Variants in RPTN observed in about 807,000 individuals in gnomAD.
RPTN encodes the protein repetin, also known as intermediate filament-associated protein.
In RPTN, 4 loss-of-function variants were observed where a neutral mutation model predicts 3.6. The ratio of observed to expected loss-of-function variants is 1.12; its 90% CI spans 0.55 to 2.55. RPTN has a LOEUF of 2.55. Ranked by LOEUF, RPTN falls within the 30% of genes most tolerant of loss-of-function variation. RPTN has a pLI of 0.02. For synonymous variants in RPTN, 293 were observed against 319.3 expected, an observed-to-expected ratio of 0.92 and a Z score of 0.88; for missense variants, 860 against 916.7, an observed-to-expected ratio of 0.94 and a Z score of 0.80.
Position 152,155,192 on chromosome 1 carries a change from A to G in RPTN, c.1907T>C (p.Phe636Ser), listed in dbSNP as rs1198806347. 6.2e-7 allele frequency: 1 copy of G among 1,614,192 alleles called. No homozygotes were observed. The highest frequency in any genetic ancestry group is 1.1e-5 in the South Asian group (1 of 91,086). ...QEGYQNQGQGFQSRDSQQNGH... is the reference protein window; with the variant it reads ...QEGYQNQGQGSQSRDSQQNGH... ...GTTCTGCTGTGAGTCCCTAGACTGG[A>G]ATCCCTGTCCCTGGTTTTGGTACCC... is the stretch of plus-strand genomic sequence containing the variant. Residue 636 changes from phenylalanine (F) to serine (S), a missense_variant, in exon 3 of 3, where the codon TTC becomes TCC. Coordinates refer to ENST00000316073, the MANE Select transcript of RPTN (RefSeq NM_001122965.1).
chr1:152,157,654 G>A, intron 2 of RPTN, 98 bp downstream of exon 2: 1 of 1,341,114 alleles, frequency 7.5e-7, no homozygotes, highest in Non-Finnish European at 1.0e-6. Context: ...TTCTTACAGG[G>A]CAGAGCAAGC....
Position 152,156,868 on chromosome 1 carries a change from C to A in RPTN, c.231G>T (p.Leu77Phe), listed in dbSNP as rs1244314666. 1.9e-6 allele frequency: 3 copies of A among 1,613,948 alleles called. No homozygotes were observed. In the East Asian group the frequency reaches 6.7e-5, roughly 36 times the overall value. The part of the protein sequence containing the change: ...GHIDFHEYLL[L>F]VFQLVQACYH... Reference sequence around the variant, plus strand: ...AGCAGGCTTGGACCAACTGGAACACCAACAAGAGGTACTCATGAAAATCAA... The same window carrying A: ...AGCAGGCTTGGACCAACTGGAACACAAACAAGAGGTACTCATGAAAATCAA... Residue 77 changes from leucine (L) to phenylalanine (F), a missense_variant, in exon 3 of 3, where the codon TTG becomes TTT. Leu to Phe is a conservative substitution (Grantham distance 22). Coordinates refer to ENST00000316073, the MANE Select transcript of RPTN (RefSeq NM_001122965.1).
In RPTN at chr1:152,157,938, C is replaced by T. The variant is rs759029271; in HGVS notation, c.-20-29G>A. The T allele has an allele frequency of 1.2e-5, 19 of 1,600,766 alleles. No homozygotes were observed. In the East Asian group the frequency reaches 1.8e-4, roughly 15 times the overall value. ...AAAGAAGAAACAAGATTTCTCCTGC[C>T]GTTAGGATAATGACCACGAGACAGC... On this transcript the variant is annotated intron_variant, in intron 1 of 2. Coordinates refer to ENST00000316073, the MANE Select transcript of RPTN (RefSeq NM_001122965.1).
chr1:152,156,921 G>A lies in RPTN; in HGVS notation c.178C>T (p.Leu60Phe). The change falls in exon 3 of 3, where the codon CTC becomes TTC. Residue 60 changes from leucine (L) to phenylalanine (F), a missense_variant. Transcript: ENST00000316073. Reference protein sequence around the residue: ...DPETVETILNLLDQDRDGHID... With the variant: ...DPETVETILNFLDQDRDGHID... ...TGTCCATCTCGGTCTTGATCTAAGAGGTTCAAGATGGTTTCCACAGTCTCT... is the reference window on the plus strand; with the variant it reads ...TGTCCATCTCGGTCTTGATCTAAGAAGTTCAAGATGGTTTCCACAGTCTCT... 1 of 1,614,022 alleles carries A rather than the reference G, an allele frequency of 6.2e-7. No homozygotes were observed.
chr1:152,156,608 T>C lies in RPTN; in HGVS notation c.491A>G (p.Gln164Arg). Residue 164 changes from glutamine to arginine, a missense_variant, in exon 3 of 3, where the codon CAA (glutamine) becomes CGA (arginine). Gln to Arg is a conservative substitution (Grantham distance 43). Transcript: ENST00000316073. ...CTGACTGTGGTGGGAATCTCTGTCT[T>C]GTTTCTCAGACTGACCATGGTGGGA... Reference protein sequence around the residue: ...RDSHHGQSEKQDRDSHHSQPE... With the variant: ...RDSHHGQSEKRDRDSHHSQPE... 1.9e-6 allele frequency: 2 copies of C among 1,040,902 alleles called. No homozygotes were observed. Among genetic ancestry groups the C allele is most frequent in the Non-Finnish European group, 2.5e-6 (2 of 810,268 alleles). 64.5% of individuals were successfully genotyped at this position (1,040,902 alleles called of 1,614,324 possible). A position where few individuals can be genotyped will look rare whatever the true frequency, so the allele number is the denominator to read the frequency against.
Position 152,156,930 on chromosome 1 carries a change from T to C in RPTN, c.169A>G (p.Ile57Val). 3 of 1,614,032 alleles carry C rather than the reference T, an allele frequency of 1.9e-6. No homozygotes were observed. The highest frequency in any genetic ancestry group is 2.5e-6 in the Non-Finnish European group (3 of 1,179,962). ...RPNDPETVET[I>V]LNLLDQDRDG... is the part of the protein sequence containing the mutation. ...CGGTCTTGATCTAAGAGGTTCAAGA[T>C]GGTTTCCACAGTCTCTGGGTCATTT... Residue 57 changes from isoleucine (I) to valine (V), a missense_variant, in exon 3 of 3, where the codon ATC (isoleucine) becomes GTC (valine). Physicochemically the swap from Ile to Val is conservative, Grantham distance 29. Coordinates refer to ENST00000316073, the MANE Select transcript of RPTN (RefSeq NM_001122965.1).
chr1:152,156,264 G>C lies in RPTN; in HGVS notation c.835C>G (p.Gln279Glu). ...SYCGQSERLG[Q>E]ELGCGQTDRQ... ...TCTGTCTGACCACAGCCTAATTCCTGACCTAGCCTCTCAGACTGTCCACAA... is the reference window on the plus strand; with the variant it reads ...TCTGTCTGACCACAGCCTAATTCCTCACCTAGCCTCTCAGACTGTCCACAA... Residue 279 changes from glutamine (Q) to glutamate (E), a missense_variant, in exon 3 of 3, where the codon CAG becomes GAG. Transcript: ENST00000316073. 1 of 1,614,240 alleles carries C rather than the reference G, an allele frequency of 6.2e-7. No individual in the cohort carries two copies. Among genetic ancestry groups the C allele is most frequent in the Non-Finnish European group, 8.5e-7 (1 of 1,180,052 alleles).
In RPTN at chr1:152,155,657, T is replaced by C. The variant is rs776549956; in HGVS notation, c.1442A>G (p.Gln481Arg). 6.2e-7 allele frequency: 1 copy of C among 1,603,116 alleles called. No individual in the cohort carries two copies. The change falls in exon 3 of 3, where the codon CAA (glutamine) becomes CGA (arginine). Residue 481 changes from glutamine (Q) to arginine (R), a missense_variant. Transcript: ENST00000316073. ...CTTACCATAGTGGGAACTCTGGCCT[T>C]GTTTGTCTGGCTGACTGTAGTGGGA... is the stretch of plus-strand genomic sequence containing the variant. ...QSSHYSQPDKQGQSSHYGKID... is the reference protein window; with the variant it reads ...QSSHYSQPDKRGQSSHYGKID...
At chr1:152,157,192 A>G (rs960806216) in intron 2 of RPTN, among the ~76,000 whole-genome samples, 1 of 152,194 alleles carries the variant, frequency 6.6e-6, no homozygotes, top group South Asian at 2.1e-4. Context: ...ATTTAAAATC[A>G]TCTCCATTAG....
Position 152,156,338 on chromosome 1 carries a change from C to G in RPTN, c.761G>C (p.Gly254Ala), listed in dbSNP as rs946818007. 1 of 1,614,250 alleles carries G rather than the reference C, an allele frequency of 6.2e-7. No individual in the cohort carries two copies. Among genetic ancestry groups the G allele is most frequent in the South Asian group, 1.1e-5 (1 of 91,088 alleles). The stretch of plus-strand genomic sequence containing the variant: ...TGTCTGGTTAAAGTGAGAGGCTTGT[C>G]CAAGTGTTTCAGATTGTTGTGTATG... ...ERHTQQSETL[G>A]QASHFNQTNQ... is the part of the protein sequence containing the mutation. Residue 254 changes from glycine (G) to alanine (A), a missense_variant, in exon 3 of 3, where the codon GGA becomes GCA. Gly to Ala is a moderately conservative substitution (Grantham distance 60). Transcript: ENST00000316073.
chr1:152,155,310 A>G lies in RPTN; in HGVS notation c.1789T>C (p.Tyr597His), dbSNP rs774161282. The change falls in exon 3 of 3, where the codon TAC (tyrosine) becomes CAC (histidine). Residue 597 changes from tyrosine to histidine, a missense_variant. Transcript: ENST00000316073. ...QTGEIQGQNKYFQGTEGTRKA... is the reference protein window; with the variant it reads ...QTGEIQGQNKHFQGTEGTRKA... ...CTTGTTCCTTCAGTCCCTTGGAAGTACTTATTTTGCCCTTGTATTTCCCCA... is the reference window on the plus strand; with the variant it reads ...CTTGTTCCTTCAGTCCCTTGGAAGTGCTTATTTTGCCCTTGTATTTCCCCA... 8.1e-6 allele frequency: 13 copies of G among 1,614,198 alleles called. No homozygotes were observed. Among genetic ancestry groups the G allele is most frequent in the Non-Finnish European group, 1.0e-5 (12 of 1,180,036 alleles).
rs770023909 is a variant in RPTN at position 152,155,384 on chromosome 1, C to G, written c.1715G>C (p.Gly572Ala). Reference sequence around the variant, plus strand: ...ACTCTGGCCTTGTCTGTCTGTCTGACCATAATGATAGCTCTGGCCTTGTCT... The same window carrying G: ...ACTCTGGCCTTGTCTGTCTGTCTGAGCATAATGATAGCTCTGGCCTTGTCT... ...TDRQGQSYHYGQTDRQGQSSH... is the reference protein window; with the variant it reads ...TDRQGQSYHYAQTDRQGQSSH... Residue 572 changes from glycine (G) to alanine (A), a missense_variant, in exon 3 of 3, where the codon GGT becomes GCT. By Grantham distance (60) the Gly-to-Ala change is moderately conservative. Coordinates refer to ENST00000316073, the MANE Select transcript of RPTN (RefSeq NM_001122965.1). The G allele has an allele frequency of 5.0e-6, 8 of 1,613,926 alleles. No individual in the cohort carries two copies. In the South Asian group the frequency reaches 8.8e-5, roughly 18 times the overall value.
intron 1 of RPTN, among the ~76,000 whole-genome samples, chr1:152,158,616 T>A (rs2101559699): frequency 6.6e-6 from 1 of 152,312 alleles, no homozygotes; most frequent in East Asian, 1.9e-4. Flanking sequence ...GAGACTTGGG[T>A]CTTTTGGGAT....
chr1:152,156,478 A>G lies in RPTN; in HGVS notation c.621T>C (p.Gly207=), dbSNP rs777985045. 17 of 1,614,100 alleles carry G rather than the reference A, an allele frequency of 1.1e-5. No individual in the cohort carries two copies. The South Asian group carries it at 1.8e-4, about 17-fold the overall frequency. ...SERQSQDSSS[G]KKVSHKSTSG... ...TGGTAGATTTGTGACTCACTTTTTTACCAGAGCTGGAGTCTTGACTTTGTC... is the reference window on the plus strand; with the variant it reads ...TGGTAGATTTGTGACTCACTTTTTTGCCAGAGCTGGAGTCTTGACTTTGTC... The change falls in exon 3 of 3, where the codon GGT becomes GGC. Residue 207 remains glycine, a synonymous_variant. Coordinates refer to ENST00000316073, the MANE Select transcript of RPTN (RefSeq NM_001122965.1).
At chr1:152,157,243 C>T (rs1440960969) in intron 2 of RPTN, among the ~76,000 whole-genome samples, 1 of 152,198 alleles carries the variant, frequency 6.6e-6, no homozygotes, top group East Asian at 1.9e-4. Flanking sequence ...CATTCCATCA[C>T]AGGCTATATC....
Position 152,156,968 on chromosome 1 carries a change from G to T in RPTN, c.139-8C>A. 1 of 1,603,768 alleles carries T rather than the reference G, an allele frequency of 6.2e-7. No individual in the cohort carries two copies. On this transcript the variant is annotated splice_polypyrimidine_tract_variant and splice_region_variant and intron_variant, in intron 2 of 2. Coordinates refer to ENST00000316073, the MANE Select transcript of RPTN (RefSeq NM_001122965.1). The stretch of plus-strand genomic sequence containing the variant: ...CTCTGGGTCATTTGGTCTCTGTTAG[G>T]AGATAAAACAAAGAGCAAAATCAGA...
In RPTN at chr1:152,154,885, C is replaced by T. The variant is rs1470104617; in HGVS notation, c.2214G>A (p.Gln738=). 1 of 1,614,068 alleles carries T rather than the reference C, an allele frequency of 6.2e-7. No individual in the cohort carries two copies. Among genetic ancestry groups the T allele is most frequent in the African/African-American group, 1.3e-5 (1 of 74,980 alleles). The change falls in exon 3 of 3, where the codon CAG becomes CAA. Residue 738 remains glutamine, a synonymous_variant. Transcript: ENST00000316073. ...TQDRRTHKDE[Q]NHQRRDRQTH... ...TTTGTCTGTCTCGTCTCTGATGGTT[C>T]TGCTCATCTTTATGGGTTCGCCTGT...
In RPTN at chr1:152,154,528, G is replaced by T; in HGVS notation, c.*216C>A. ...GTTCTCTGGTTTGGGGCCTCCCACT[G>T]CTCTGGGTTGGATAGAAGGATGGTT... On this transcript the variant is annotated 3_prime_UTR_variant, in exon 3 of 3. Coordinates refer to ENST00000316073, the MANE Select transcript of RPTN (RefSeq NM_001122965.1). 1 of 705,082 alleles carries T rather than the reference G, an allele frequency of 1.4e-6. No homozygotes were observed. Among genetic ancestry groups the T allele is most frequent in the Non-Finnish European group, 2.3e-6 (1 of 427,832 alleles). The allele number at this position is 705,082 out of a possible 1,614,324, so 43.7% of individuals were successfully genotyped here.
In RPTN at chr1:152,157,818, G is replaced by C; in HGVS notation, c.72C>G (p.Asp24Glu). ...VFHKYAKGNGDCALLCKEELK... is the reference protein window; with the variant it reads ...VFHKYAKGNGECALLCKEELK... The stretch of plus-strand genomic sequence containing the variant: ...ACTCTTCCTTGCATAGTAAGGCACA[G>C]TCCCCATTCCCTTTGGCATATTTGT... Residue 24 changes from aspartate (D) to glutamate (E), a missense_variant, in exon 2 of 3, where the codon GAC (aspartate) becomes GAG (glutamate). Transcript: ENST00000316073. 1 of 1,613,974 alleles carries C rather than the reference G, an allele frequency of 6.2e-7. No individual in the cohort carries two copies. The highest frequency in any genetic ancestry group is 8.5e-7 in the Non-Finnish European group (1 of 1,179,898).
Sources: gnomAD v4.1 joint callset for allele counts (sites outside exome capture counted in the v4.1 genomes callset) on GRCh38, gnomAD v4.1.1 for gene constraint, MANE v1.5 for transcripts, NCBI Gene and HGNC (gene_info 2026-07-23, HGNC 2026-07-21) for gene names.